Variants in CCDC180 observed in about 807,000 individuals in gnomAD.
CCDC180 encodes coiled-coil domain-containing protein 180.
A neutral mutation model predicts 209.2 loss-of-function variants in CCDC180; 154 were observed. That is an observed-to-expected ratio of 0.74 (90% CI 0.65 to 0.84). CCDC180 has a LOEUF of 0.84. CCDC180 is among the 40% of genes least tolerant of loss of function. CCDC180 has a pLI of 0.00. For missense variants in CCDC180, 1,874 were observed against 1,997.3 expected (o/e 0.94, Z 1.18); for synonymous variants, 778 against 749.1 (o/e 1.04, Z -0.63).
chr9:97,320,659 A>G (rs1833329217), intron 11 of CCDC180, among the ~76,000 whole-genome samples: 1 of 152,158 alleles, frequency 6.6e-6, no homozygotes, highest in Non-Finnish European at 1.5e-5. Context: ...TGTGGGGTGG[A>G]TGTCCAGTGG....
chr9:97,375,634 G>T, intron 36 of CCDC180, 45 bp downstream of exon 36: 1 of 1,610,646 alleles, frequency 6.2e-7, no homozygotes, highest in Non-Finnish European at 8.5e-7. Flanking sequence ...CACAGCTCAG[G>T]TCGGCTGCCT....
At chr9:97,330,871 T>C (rs1004410519) in intron 18 of CCDC180, 104 bp downstream of exon 18, 4 of 1,091,180 alleles carry the variant, frequency 3.7e-6, no homozygotes, top group African/African-American at 1.6e-5. Flanking sequence ...CCAGTCTCCA[T>C]AGAGGTGCAG....
At chr9:97,319,403 GGGTTTT>G (rs1213025767) in intron 10 of CCDC180, among the ~76,000 whole-genome samples, 1 of 152,136 alleles carries the variant, frequency 6.6e-6, no homozygotes, top group Non-Finnish European at 1.5e-5. Context: ...ACGTGTTGTG[GGGTTTT>G]GGTGTACAGA....
At chr9:97,309,743 C>G (rs1832919508) in intron 3 of CCDC180, 139 bp downstream of exon 3, 2 of 629,214 alleles carry the variant, frequency 3.2e-6, no homozygotes, top group African/African-American at 3.9e-5. Context: ...AGGCTAATAC[C>G]TACCTTGCAG....
intron 18 of CCDC180, among the ~76,000 whole-genome samples, chr9:97,340,348 T>G (rs1826039766): frequency 1.3e-5 from 2 of 152,116 alleles, no homozygotes; most frequent in African/African-American, 4.8e-5. Context: ...GGGGTTTTGG[T>G]GTGGATGTCC....
intron 11 of CCDC180, among the ~76,000 whole-genome samples, 154 bp downstream of exon 11, chr9:97,320,359 C>T (rs1427780953): frequency 1.3e-5 from 2 of 152,132 alleles, no homozygotes; most frequent in Admixed American, 1.3e-4. Flanking sequence ...CAAAAGGCCC[C>T]CCTCCCTTCT....
At chr9:97,323,032 C>A in intron 12 of CCDC180, 111 bp downstream of exon 12, 2 of 743,232 alleles carry the variant, frequency 2.7e-6, no homozygotes, top group South Asian at 1.6e-5. Flanking sequence ...CCCCACTTCA[C>A]ACCCACACAC....
In CCDC180 at chr9:97,347,401, T is replaced by A; in HGVS notation, c.2586T>A (p.Asn862Lys). The part of the protein sequence containing the change: ...NTRVTVATKI[N>K]ELDSELELHL... ...GGGTCACCGTGGCCACCAAAATCAA[T>A]GAGCTGGATTCAGAACTGGAGCTGC... Residue 862 changes from asparagine (N) to lysine (K), a missense_variant, in exon 20 of 37, where the codon AAT becomes AAA. By Grantham distance (94) the Asn-to-Lys change is moderately conservative. Coordinates refer to ENST00000529487, the MANE Select transcript of CCDC180 (RefSeq NM_020893.6). The A allele has an allele frequency of 6.5e-7, 1 of 1,536,074 alleles. No individual in the cohort carries two copies. The highest frequency in any genetic ancestry group is 8.7e-7 in the Non-Finnish European group (1 of 1,146,890).
intron 9 of CCDC180, among the ~76,000 whole-genome samples, chr9:97,318,084 C>T (rs931898732): frequency 3.9e-5 from 6 of 152,128 alleles, no homozygotes; most frequent in African/African-American, 1.4e-4. Flanking sequence ...ATCATGAGTT[C>T]CATTTTACAG....
intron 14 of CCDC180, 68 bp downstream of exon 14, chr9:97,325,260 C>A: frequency 1.4e-6 from 2 of 1,474,002 alleles, no homozygotes; most frequent in South Asian, 1.3e-5. Context: ...AGATCCTTGA[C>A]CCAAATGGAG....
intron 13 of CCDC180, among the ~76,000 whole-genome samples, chr9:97,324,616 A>T (rs556750056): frequency 2.6e-5 from 4 of 152,284 alleles, no homozygotes; most frequent in African/African-American, 7.2e-5. Context: ...AGGATTTCAC[A>T]GCAGGTGTGG....
intron 18 of CCDC180, among the ~76,000 whole-genome samples, chr9:97,331,559 A>T (rs11794045): frequency 6.6e-6 from 1 of 152,178 alleles, no homozygotes; most frequent in Middle Eastern, 3.2e-3. Flanking sequence ...TCTTGCCAGC[A>T]TCTGTTGTTT....
chr9:97,371,686 T>C lies in CCDC180; in HGVS notation c.4580T>C (p.Ile1527Thr), dbSNP rs373315383. The C allele has an allele frequency of 1.9e-5, 30 of 1,600,228 alleles. No homozygotes were observed. The highest frequency in any genetic ancestry group is 2.5e-5 in the Non-Finnish European group (29 of 1,168,872). The change falls in exon 34 of 37, where the codon ATT becomes ACT. Residue 1527 changes from isoleucine (I) to threonine (T), a missense_variant. By Grantham distance (89) the Ile-to-Thr change is moderately conservative. Transcript: ENST00000529487. ...CTGCAGTTGGATGAGGTGGTCACCA[T>C]TGACGATGTCCAGGTTGCAAGTAAG... ...FLLQLDEVVT[I>T]DDVQVARMEP...
rs760375263 is a variant in CCDC180 at position 97,323,801 on chromosome 9, A to G, written c.1269A>G (p.Lys423=). 2 of 1,558,638 alleles carry G rather than the reference A, an allele frequency of 1.3e-6. No individual in the cohort carries two copies. The highest frequency in any genetic ancestry group is 1.7e-6 in the Non-Finnish European group (2 of 1,150,428). Residue 423 remains lysine (K), a synonymous_variant, in exon 13 of 37, where the codon AAA becomes AAG. Coordinates refer to ENST00000529487, the MANE Select transcript of CCDC180 (RefSeq NM_020893.6). The stretch of plus-strand genomic sequence containing the variant: ...TCCAGAAGCAGCTGCTGGACTGGAA[A>G]GCCTTCACTGAGGAGGAGGCAGAGA... ...QNCKKQLLDW[K]AFTEEEAETL...
intron 18 of CCDC180, among the ~76,000 whole-genome samples, chr9:97,340,691 C>T (rs1173475372): frequency 2.0e-5 from 3 of 152,200 alleles, no homozygotes; most frequent in Admixed American, 6.5e-5. Flanking sequence ...CTTGGTCTAG[C>T]GGTGACGCCA....
intron 21 of CCDC180, among the ~76,000 whole-genome samples, chr9:97,350,106 G>A (rs1826379414): frequency 6.6e-6 from 1 of 152,046 alleles, no homozygotes; most frequent in Non-Finnish European, 1.5e-5. Context: ...TGCTTGTGGA[G>A]CCCAAATAGA....
chr9:97,374,702 G>A (rs1375305782), intron 35 of CCDC180, 54 bp downstream of exon 35: 1 of 1,434,398 alleles, frequency 7.0e-7, no homozygotes, highest in Admixed American at 1.7e-5. Context: ...TGCTGGGGGT[G>A]GTGCAGTGTA....
intron 18 of CCDC180, among the ~76,000 whole-genome samples, chr9:97,338,846 T>A (rs1204356437): frequency 3.9e-5 from 6 of 152,182 alleles, no homozygotes; most frequent in African/African-American, 1.4e-4. Flanking sequence ...GTGTTCCTGT[T>A]TTGGATGCAT....
chr9:97,314,612 G>C lies in CCDC180; in HGVS notation c.589-6G>C. 1.2e-6 allele frequency: 2 copies of C among 1,614,026 alleles called. No homozygotes were observed. Among genetic ancestry groups the C allele is most frequent in the Non-Finnish European group, 1.7e-6 (2 of 1,179,978 alleles). ...CTCCTAGCCTGACCCAAACTTCTCT[G>C]CGTAGGCCCTGCTGGAGCTGTGGGA... On this transcript the variant is annotated splice_region_variant and splice_polypyrimidine_tract_variant and intron_variant, in intron 6 of 36. Coordinates refer to ENST00000529487, the MANE Select transcript of CCDC180 (RefSeq NM_020893.6).
Sources: gnomAD v4.1 joint callset for allele counts (sites outside exome capture counted in the v4.1 genomes callset) on GRCh38, gnomAD v4.1.1 for gene constraint, MANE v1.5 for transcripts, NCBI Gene and HGNC (gene_info 2026-07-23, HGNC 2026-07-21) for gene names.